The following ITGA4 variants were observed in gnomAD, a reference collection of about 807,000 sequenced individuals.
The protein encoded by ITGA4 is integrin subunit alpha 4.
A neutral mutation model predicts 133.6 loss-of-function variants in ITGA4; 63 were observed. The ratio of observed to expected loss-of-function variants is 0.47; its 90% CI spans 0.38 to 0.58. The LOEUF (loss-of-function observed/expected upper bound fraction) is 0.58, where lower values mean the gene tolerates loss of function less well. ITGA4 is among the 20% of genes least tolerant of loss of function. ITGA4 has a pLI of 0.00. For missense variants in ITGA4, 1,076 were observed against 1,252.7 expected, an observed-to-expected ratio of 0.86 and a Z score of 2.13; for synonymous variants, 483 against 438.0, an observed-to-expected ratio of 1.10 and a Z score of -1.28.
At chr2:181,473,686 T>C (rs138983791) in intron 2 of ITGA4, among the ~76,000 whole-genome samples, 10 of 152,340 alleles carry the variant, frequency 6.6e-5, no homozygotes, top group Non-Finnish European at 1.0e-4. Flanking sequence ...ATATTAGCCT[T>C]ACCAGGCATA....
rs1220496402 is a variant in ITGA4 at position 181,483,047 on chromosome 2, TAGA to T, written c.1041+400_1041+402del. Among the ~76,000 whole-genome samples the T allele has an allele frequency of 1.2e-4, 18 of 152,336 alleles. 1 individual carries two copies. The highest frequency in any genetic ancestry group is 6.8e-3 in the Middle Eastern group (2 of 294). ...ATAAATTATAAAATATTACTAGGAC[TAGA>T]AGATGAAGAATTAAGTATTTTCAAT... On this transcript the variant is annotated intron_variant, in intron 9 of 27. Coordinates refer to ENST00000397033, the MANE Select transcript of ITGA4 (RefSeq NM_000885.6).
intron 15 of ITGA4, among the ~76,000 whole-genome samples, chr2:181,508,996 G>T (rs1483894710): frequency 1.3e-5 from 2 of 151,510 alleles, no homozygotes; most frequent in Non-Finnish European, 2.9e-5. Context: ...GAAAAAATGG[G>T]CTGGGCATGG....
chr2:181,485,218 G>A (rs1157680637), intron 9 of ITGA4, among the ~76,000 whole-genome samples: 3 of 152,176 alleles, frequency 2.0e-5, no homozygotes, highest in South Asian at 4.2e-4. Context: ...CGACAATCAA[G>A]ACGCTACACT....
chr2:181,480,335 G>C, intron 6 of ITGA4, 69 bp downstream of exon 6: 2 of 844,764 alleles, frequency 2.4e-6, no homozygotes, highest in Non-Finnish European at 3.4e-6. Flanking sequence ...TTATAAATAA[G>C]GAAAATGTAT....
intron 10 of ITGA4, among the ~76,000 whole-genome samples, chr2:181,492,882 G>A (rs1686082314): frequency 6.6e-6 from 1 of 152,210 alleles, no homozygotes; most frequent in Non-Finnish European, 1.5e-5. Context: ...TAGATTATGA[G>A]GTTATTACAT....
intron 2 of ITGA4, among the ~76,000 whole-genome samples, chr2:181,461,092 A>C (rs1032670012): frequency 6.7e-6 from 1 of 148,254 alleles, no homozygotes; most frequent in African/African-American, 2.5e-5. Context: ...ATTCAGATAG[A>C]CTCCTCCCCT....
chr2:181,490,513 G>C (rs978124965), intron 10 of ITGA4, among the ~76,000 whole-genome samples: 11 of 149,126 alleles, frequency 7.4e-5, no homozygotes, highest in African/African-American at 2.0e-4. Context: ...GTGTGTGTGT[G>C]TGTGTGTGTG....
In ITGA4 at chr2:181,481,655, G is replaced by T; in HGVS notation, c.812G>T (p.Gly271Val). Residue 271 changes from glycine (G) to valine (V), a missense_variant, in exon 7 of 28, where the codon GGA (glycine) becomes GTA (valine). This residue lies in a region of ITGA4 where 436 missense variants were observed against 590.7 expected (regional missense o/e 0.74). Transcript: ENST00000397033. ...RSQHTTEVVG[G>V]APQHEQIGKA... is the part of the protein sequence containing the mutation. ...CAGCATACTACCGAAGTAGTCGGAG[G>T]AGCTCCTCAACATGAGCAGATTGGT... 1 of 1,596,794 alleles carries T rather than the reference G, an allele frequency of 6.3e-7. No homozygotes were observed. The highest frequency in any genetic ancestry group is 8.6e-7 in the Non-Finnish European group (1 of 1,166,596).
At chr2:181,504,835 A>G (rs898562055) in intron 15 of ITGA4, among the ~76,000 whole-genome samples, 2 of 151,928 alleles carry the variant, frequency 1.3e-5, no homozygotes, top group Non-Finnish European at 2.9e-5. Context: ...TGGTTAGGGC[A>G]TTTGTCTTAG....
intron 23 of ITGA4, 147 bp downstream of exon 23, chr2:181,529,795 CATTT>C (rs1686903889): frequency 9.0e-6 from 5 of 557,138 alleles, no homozygotes; most frequent in Admixed American, 3.3e-5. Flanking sequence ...ATTCACCATG[CATTT>C]ATTGAGTTAT....
chr2:181,528,872 A>G (rs1031398760), intron 22 of ITGA4, among the ~76,000 whole-genome samples: 2 of 152,158 alleles, frequency 1.3e-5, no homozygotes, highest in East Asian at 1.9e-4. Context: ...GGAATCTTCA[A>G]TCCCCAAATT....
chr2:181,490,160 C>G (rs575413511), intron 10 of ITGA4, among the ~76,000 whole-genome samples: 2 of 152,142 alleles, frequency 1.3e-5, no homozygotes, highest in South Asian at 2.1e-4. Context: ...AGGTCGGGGT[C>G]GATCTATAAC....
In ITGA4 at chr2:181,537,836, A is replaced by G; in HGVS notation, c.*2309A>G. The G allele has an allele frequency of 2.0e-6, 1 of 488,252 alleles. No individual in the cohort carries two copies. The highest frequency in any genetic ancestry group is 4.0e-6 in the Non-Finnish European group (1 of 249,676). The allele number at this position is 488,252 out of a possible 1,614,324, so 30.2% of individuals were successfully genotyped here. On this transcript the variant is annotated 3_prime_UTR_variant, in exon 28 of 28. Coordinates refer to ENST00000397033, the MANE Select transcript of ITGA4 (RefSeq NM_000885.6). ...TAGAGGCTAATTGTTAGTAACATCA[A>G]TTTCTATTAGGATATCCGTTTGGCC...
rs1446727960 is a variant in ITGA4 at position 181,538,170 on chromosome 2, G to A, written c.*2643G>A. ...AATTCTAGTTTGTACATTTCTTTTA[G>A]AAACAATTACATGTTACTTTGGAAT... On this transcript the variant is annotated 3_prime_UTR_variant, in exon 28 of 28. Transcript: ENST00000397033. 1.2e-5 allele frequency: 19 copies of A among 1,525,618 alleles called. No homozygotes were observed. The highest frequency in any genetic ancestry group is 1.7e-5 in the Non-Finnish European group (19 of 1,101,678). The allele number at this position is 1,525,618 out of a possible 1,614,324, so 94.5% of individuals were successfully genotyped here. A position where few individuals can be genotyped will look rare whatever the true frequency, so the allele number is the denominator to read the frequency against.
intron 2 of ITGA4, among the ~76,000 whole-genome samples, chr2:181,469,050 C>G (rs140169825): frequency 2.1e-3 from 327 of 152,256 alleles, no homozygotes; most frequent in African/African-American, 7.4e-3. Context: ...GATTATAAAT[C>G]ACTTCAGCCT....
At position 181,536,485 on chromosome 2, in the gene ITGA4, A is replaced by G. The variant is rs1687093384; in HGVS notation, c.*958A>G. Among the ~76,000 whole-genome samples the G allele has an allele frequency of 6.6e-6, 1 of 152,130 alleles. No individual in the cohort carries two copies. The highest frequency in any genetic ancestry group is 2.4e-5 in the African/African-American group (1 of 41,440). ...GGCCTATACTTCATATGTATTATGTACTATGTAAAATATTGACTATCACAC... is the reference window on the plus strand; with the variant it reads ...GGCCTATACTTCATATGTATTATGTGCTATGTAAAATATTGACTATCACAC... On this transcript the variant is annotated 3_prime_UTR_variant, in exon 28 of 28. Transcript: ENST00000397033.
At chr2:181,503,572 T>C (rs1344874291) in intron 15 of ITGA4, among the ~76,000 whole-genome samples, 2 of 145,322 alleles carry the variant, frequency 1.4e-5, no homozygotes, top group Non-Finnish European at 3.0e-5. Context: ...TGTCTTTTTT[T>C]TTTTTTTTTT....
At chr2:181,531,611 T>C (rs1686947117) in intron 24 of ITGA4, 46 bp from the exon 25 acceptor site, 5 of 1,149,166 alleles carry the variant, frequency 4.4e-6, no homozygotes, top group Non-Finnish European at 6.1e-6. Context: ...AAAAATATTT[T>C]CCAATGTTGA....
intron 17 of ITGA4, among the ~76,000 whole-genome samples, chr2:181,520,220 C>T (rs187863012): frequency 1.6e-4 from 24 of 152,200 alleles, no homozygotes; most frequent in East Asian, 7.7e-4. Context: ...GAATTATTGA[C>T]GTCCAAGATA....
Sources: allele counts gnomAD v4.1 joint callset (sites outside exome capture counted in the v4.1 genomes callset), GRCh38; gene constraint gnomAD v4.1.1; regional missense constraint gnomAD v4.1.1; transcripts MANE v1.5; gene names NCBI Gene and HGNC (gene_info 2026-07-23, HGNC 2026-07-21).